NKAIN2: variants seen among roughly 807,000 people sequenced by gnomAD.
NKAIN2 encodes the protein sodium/potassium transporting ATPase interacting 2, also known as sodium/potassium-transporting ATPase subunit beta-1-interacting protein 2.
NKAIN2 carries 14 observed loss-of-function variants against 32.6 expected under a neutral mutation model. The ratio of observed to expected loss-of-function variants is 0.43; its 90% confidence interval spans 0.28 to 0.67. The LOEUF (loss-of-function observed/expected upper bound fraction) is 0.67, where lower values mean the gene tolerates loss of function less well. Among genes scored for constraint, NKAIN2 ranks in the 30% least tolerant of loss-of-function variants. The probability of loss-of-function intolerance (pLI) is 0.17; values close to 1 mark genes in which losing one functional copy is unlikely to be tolerated. For synonymous variants in NKAIN2, 80 were observed against 87.2 expected, an observed-to-expected ratio of 0.92 and a Z score of 0.46; for missense variants, 198 against 258.3, an observed-to-expected ratio of 0.77 and a Z score of 1.60.
rs1356663148 is a variant in NKAIN2 at position 124,825,252 on chromosome 6, A to T, written c.*2023A>T. On this transcript the variant is annotated 3_prime_UTR_variant, in exon 7 of 7. Transcript: ENST00000368417. ...ATAGTACATGTATATGGGTACAGAA[A>T]ATAAACCCTCATATTCCTGCTTTAA... 1 of 152,628 alleles carries T rather than the reference A, an allele frequency of 6.6e-6. No homozygotes were observed. The highest frequency in any genetic ancestry group is 1.5e-5 in the Non-Finnish European group (1 of 68,032). 9.5% of individuals were successfully genotyped at this position (152,628 alleles called of 1,614,324 possible).
chr6:123,965,588 T>C (rs955357516), intron 1 of NKAIN2, among the ~76,000 whole-genome samples: 3 of 152,162 alleles, frequency 2.0e-5, no homozygotes, highest in Non-Finnish European at 2.9e-5. Context: ...TATCCTGCGA[T>C]CTAACCAAAC....
chr6:124,338,025 T>C (rs1797952634), intron 2 of NKAIN2, among the ~76,000 whole-genome samples: 1 of 152,214 alleles, frequency 6.6e-6, no homozygotes, highest in Admixed American at 6.5e-5. Flanking sequence ...GTAGAAAAAC[T>C]ATAATTAAAT....
intron 3 of NKAIN2, among the ~76,000 whole-genome samples, chr6:124,521,035 G>A (rs1161713655): frequency 6.6e-6 from 1 of 152,030 alleles, no homozygotes; most frequent in Admixed American, 6.6e-5. Flanking sequence ...TGTTGTTGTT[G>A]GCAGACCCTG....
intron 3 of NKAIN2, among the ~76,000 whole-genome samples, chr6:124,440,881 A>C (rs1433399241): frequency 6.6e-6 from 1 of 152,026 alleles, no homozygotes; most frequent in Non-Finnish European, 1.5e-5. Context: ...AATTCCTCCA[A>C]GTGGTTCTCT....
At chr6:124,297,410 T>C (rs1343517145) in intron 2 of NKAIN2, among the ~76,000 whole-genome samples, 3 of 152,142 alleles carry the variant, frequency 2.0e-5, no homozygotes, top group Non-Finnish European at 2.9e-5. Flanking sequence ...AGTGGATCAT[T>C]ATAAAGATCT....
At chr6:124,385,355 T>C (rs1456087196) in intron 3 of NKAIN2, among the ~76,000 whole-genome samples, 3 of 152,074 alleles carry the variant, frequency 2.0e-5, no homozygotes, top group African/African-American at 4.8e-5. Flanking sequence ...TTCTTGAGAC[T>C]GCTTATAGAC....
intron 2 of NKAIN2, among the ~76,000 whole-genome samples, chr6:124,331,789 A>G (rs376380687): frequency 2.6e-5 from 4 of 152,338 alleles, no homozygotes; most frequent in Admixed American, 2.0e-4. Context: ...CCTCATTAGT[A>G]GAGTATTCTA....
intron 1 of NKAIN2, among the ~76,000 whole-genome samples, chr6:123,828,060 A>G (rs886779457): frequency 3.9e-5 from 6 of 152,050 alleles, no homozygotes; most frequent in Non-Finnish European, 8.8e-5. Context: ...GCCTTCTGTC[A>G]TGCACTGCCT....
chr6:123,885,156 C>A (rs568968466), intron 1 of NKAIN2, among the ~76,000 whole-genome samples: 24 of 152,078 alleles, frequency 1.6e-4, no homozygotes, highest in Non-Finnish European at 3.4e-4. Context: ...TTTTTGTATG[C>A]ATATTTATCC....
At chr6:123,858,120 A>AT (rs772284498) in intron 1 of NKAIN2, among the ~76,000 whole-genome samples, 7,386 of 148,068 alleles carry the variant, frequency 0.05, 200 homozygotes, top group African/African-American at 0.058. Context: ...TATTATTATT[A>AT]TTTTTTTTTT....
intron 1 of NKAIN2, among the ~76,000 whole-genome samples, chr6:124,048,831 C>G (rs1246273002): frequency 6.6e-6 from 1 of 151,952 alleles, no homozygotes; most frequent in Non-Finnish European, 1.5e-5. Context: ...ACTGCTGTCA[C>G]AGTAATTTTC....
chr6:124,727,111 G>C lies in NKAIN2; in HGVS notation c.475-64228G>C, dbSNP rs117677990. Among the ~76,000 whole-genome samples, 56 of 152,248 alleles carry C rather than the reference G, an allele frequency of 3.7e-4. No individual in the cohort carries two copies. The East Asian group carries it at 0.01, about 28-fold the overall frequency. ...GTACCTGAAAGTGAAGTGGAGAATG[G>C]AACCCAGTTGGAAAACATTCTGCAG... On this transcript the variant is annotated intron_variant, in intron 4 of 6. Transcript: ENST00000368417.
At chr6:124,808,666 T>C (rs1780719061) in intron 5 of NKAIN2, among the ~76,000 whole-genome samples, 1 of 152,182 alleles carries the variant, frequency 6.6e-6, no homozygotes, top group Non-Finnish European at 1.5e-5. Flanking sequence ...ATAAAGGGTA[T>C]TCAATAGGAA....
In NKAIN2 at chr6:124,276,610, C is replaced by T. The variant is rs72980462; in HGVS notation, c.55-6395C>T. Among the ~76,000 whole-genome samples the T allele has an allele frequency of 6.4e-3, 972 of 152,084 alleles. 7 individuals are homozygous for T. Among genetic ancestry groups the T allele is most frequent in the Admixed American group, 0.012 (183 of 15,258 alleles). On this transcript the variant is annotated intron_variant, in intron 1 of 6. Transcript: ENST00000368417. ...ATGTTCTCATTGATCTTGTCCACTA[C>T]GAACAACACAGAGAATCTTAAAAGG...
At chr6:123,869,438 C>T (rs988467010) in intron 1 of NKAIN2, among the ~76,000 whole-genome samples, 19 of 152,166 alleles carry the variant, frequency 1.2e-4, no homozygotes, top group African/African-American at 4.6e-4. Flanking sequence ...TCAGCCCATG[C>T]AACTGTGAAT....
At chr6:124,387,233 G>A (rs1772939222) in intron 3 of NKAIN2, among the ~76,000 whole-genome samples, 1 of 151,642 alleles carries the variant, frequency 6.6e-6, no homozygotes, top group South Asian at 2.1e-4. Context: ...TGATAAGCAA[G>A]CAGTGACATC....
chr6:124,246,601 A>G (rs1264963359), intron 1 of NKAIN2, among the ~76,000 whole-genome samples: 1 of 152,072 alleles, frequency 6.6e-6, no homozygotes, highest in African/African-American at 2.4e-5. Context: ...CACCTCTTTC[A>G]TAGTGAGATG....
chr6:124,197,206 G>A (rs1790356219), intron 1 of NKAIN2, among the ~76,000 whole-genome samples: 1 of 151,420 alleles, frequency 6.6e-6, no homozygotes, highest in Non-Finnish European at 1.5e-5. Context: ...TTTTCTCTAT[G>A]CTAAATTCAT....
At chr6:124,501,319 T>C (rs1008170449) in intron 3 of NKAIN2, among the ~76,000 whole-genome samples, 3 of 152,220 alleles carry the variant, frequency 2.0e-5, no homozygotes, top group African/African-American at 7.2e-5. Flanking sequence ...AGGAATGTTA[T>C]CTATGTCATG....
Sources: allele counts gnomAD v4.1 joint callset (sites outside exome capture counted in the v4.1 genomes callset), GRCh38; gene constraint gnomAD v4.1.1; transcripts MANE v1.5; gene names NCBI Gene and HGNC (gene_info 2026-07-23, HGNC 2026-07-21).